The following PDSS2 variants were observed in gnomAD, a reference collection of about 807,000 sequenced individuals.
PDSS2 encodes the protein decaprenyl diphosphate synthase subunit 2.
A neutral mutation model predicts 44.5 loss-of-function variants in PDSS2; 31 were observed. The observed-to-expected ratio is 0.70, with a 90% CI of 0.52 to 0.94. The LOEUF (loss-of-function observed/expected upper bound fraction) is 0.94, where lower values mean the gene tolerates loss of function less well. Among genes scored for constraint, PDSS2 ranks in the 40% least tolerant of loss-of-function variants. PDSS2 has a pLI of 0.00. For missense variants in PDSS2, 452 were observed against 482.2 expected, an observed-to-expected ratio of 0.94 and a Z score of 0.59; for synonymous variants, 157 against 180.3, an observed-to-expected ratio of 0.87 and a Z score of 1.03.
chr6:107,280,010 T>G (rs913643068), intron 2 of PDSS2, among the ~76,000 whole-genome samples: 2 of 152,196 alleles, frequency 1.3e-5, no homozygotes, highest in Non-Finnish European at 2.9e-5. Context: ...TAAATAAAAG[T>G]CTTCATGCCG....
intron 4 of PDSS2, among the ~76,000 whole-genome samples, chr6:107,235,695 C>A (rs1300363026): frequency 6.6e-6 from 1 of 151,976 alleles, no homozygotes. Flanking sequence ...GGAAATACAA[C>A]CCATAATGAG....
At chr6:107,384,589 C>T (rs1175423847) in intron 1 of PDSS2, among the ~76,000 whole-genome samples, 1 of 150,394 alleles carries the variant, frequency 6.6e-6, no homozygotes, top group Admixed American at 6.6e-5. Context: ...TGCAGTGAGT[C>T]GAGATCACGC....
At chr6:107,319,905 T>G (rs762100417) in intron 2 of PDSS2, among the ~76,000 whole-genome samples, 3 of 152,166 alleles carry the variant, frequency 2.0e-5, no homozygotes, top group African/African-American at 4.8e-5. Context: ...TAGAGAGAGA[T>G]AAAAAAGCAA....
chr6:107,445,062 C>A (rs1475319511), intron 1 of PDSS2, among the ~76,000 whole-genome samples: 1 of 152,004 alleles, frequency 6.6e-6, no homozygotes, highest in Non-Finnish European at 1.5e-5. Flanking sequence ...AAAAGTCTAA[C>A]CAATTCTGTA....
intron 3 of PDSS2, among the ~76,000 whole-genome samples, chr6:107,255,409 C>G (rs1398420581): frequency 4.6e-5 from 7 of 151,814 alleles, no homozygotes; most frequent in African/African-American, 1.7e-4. Flanking sequence ...CCAGGCTGGT[C>G]TCAAACTCCT....
intron 1 of PDSS2, among the ~76,000 whole-genome samples, chr6:107,408,628 T>A (rs1780396214): frequency 6.6e-6 from 1 of 152,160 alleles, no homozygotes; most frequent in African/African-American, 2.4e-5. Flanking sequence ...GGAACAAATC[T>A]GGCAAGCAAA....
At position 107,456,730 on chromosome 6, in the gene PDSS2, A is replaced by T. The variant is rs532462187; in HGVS notation, c.296+2260T>A. ...CTAATTTATTTTATTTTTTGTAGAG[A>T]TAGGGTTTTGCTATGTTGCCCAGGC... On this transcript the variant is annotated intron_variant, in intron 1 of 7. Transcript: ENST00000369037. Among the ~76,000 whole-genome samples the T allele has an allele frequency of 6.2e-4, 94 of 151,994 alleles. 1 individual carries two copies. The highest frequency in any genetic ancestry group is 1.2e-3 in the Non-Finnish European group (81 of 68,008).
intron 1 of PDSS2, among the ~76,000 whole-genome samples, chr6:107,392,662 C>A (rs192522894): frequency 6.6e-6 from 1 of 152,208 alleles, no homozygotes; most frequent in African/African-American, 2.4e-5. Flanking sequence ...GTCTTCTAAC[C>A]GGTAGGTAAT....
chr6:107,347,260 T>C (rs1034276959), intron 1 of PDSS2, among the ~76,000 whole-genome samples: 14,633 of 127,550 alleles, frequency 0.11, 443 homozygotes, highest in East Asian at 0.17. Flanking sequence ...TATCTTCTTT[T>C]TTTTTTTTTT....
chr6:107,293,359 C>G (rs1467287964), intron 2 of PDSS2, among the ~76,000 whole-genome samples: 1 of 152,212 alleles, frequency 6.6e-6, no homozygotes, highest in East Asian at 1.9e-4. Context: ...CAGACCCCCT[C>G]TCTGACTGCA....
At chr6:107,336,084 G>A (rs898968827) in intron 1 of PDSS2, among the ~76,000 whole-genome samples, 13 of 151,616 alleles carry the variant, frequency 8.6e-5, no homozygotes, top group Middle Eastern at 3.4e-3. Flanking sequence ...GCGAAACTCC[G>A]TCTCTACTAA....
intron 1 of PDSS2, among the ~76,000 whole-genome samples, chr6:107,422,997 A>T (rs1470851243): frequency 2.0e-5 from 3 of 152,142 alleles, no homozygotes; most frequent in African/African-American, 7.2e-5. Flanking sequence ...CTGATATAGT[A>T]ACATCTGCTT....
rs146855123 is a variant in PDSS2 at position 107,216,873 on chromosome 6, T to C, written c.703-4591A>G. 4.7e-3 allele frequency among the ~76,000 whole-genome samples: 723 copies of C among 152,276 alleles called. 7 individuals carry two copies. The highest frequency in any genetic ancestry group is 0.016 in the African/African-American group (660 of 41,550). ...TAAAATCTCAGAAATTTTAAAAATATGTACTTTTTAGATAGAGAGACAGAC... is the reference window on the plus strand; with the variant it reads ...TAAAATCTCAGAAATTTTAAAAATACGTACTTTTTAGATAGAGAGACAGAC... On this transcript the variant is annotated intron_variant, in intron 4 of 7. Transcript: ENST00000369037.
chr6:107,293,613 A>G (rs1339848619), intron 2 of PDSS2, among the ~76,000 whole-genome samples: 1 of 152,116 alleles, frequency 6.6e-6, no homozygotes, highest in South Asian at 2.1e-4. Flanking sequence ...TTCCATTTTC[A>G]TTACAAACCC....
chr6:107,302,039 C>T (rs1776714255), intron 2 of PDSS2, among the ~76,000 whole-genome samples: 1 of 150,878 alleles, frequency 6.6e-6, no homozygotes. Context: ...AGTTGCACGA[C>T]TCTGTAAATA....
At position 107,186,784 on chromosome 6, in the gene PDSS2, T is replaced by C. The variant is rs1275554723; in HGVS notation, c.1041+7038A>G. 2.0e-5 allele frequency among the ~76,000 whole-genome samples: 3 copies of C among 152,352 alleles called. No homozygotes were observed. In the East Asian group the frequency reaches 5.8e-4, roughly 29 times the overall value. On this transcript the variant is annotated intron_variant, in intron 7 of 7. Coordinates refer to ENST00000369037, the MANE Select transcript of PDSS2 (RefSeq NM_020381.4). ...TTCATCCGTATCCCTGCAAAGGACA[T>C]GATCTCATGCCTTTTTATGGCTGCA...
In PDSS2 at chr6:107,203,612, G is replaced by T. The variant is rs373853042; in HGVS notation, c.1008+6827C>A. Among the ~76,000 whole-genome samples, 6 of 152,088 alleles carry T rather than the reference G, an allele frequency of 3.9e-5. No homozygotes were observed. The East Asian group carries it at 5.8e-4, about 15-fold the overall frequency. Reference sequence around the variant, plus strand: ...CATGACTTCTTCATCAAGTTGGTTTGCCATAGGCAAACATCCCAAAGTCTT... The same window carrying T: ...CATGACTTCTTCATCAAGTTGGTTTTCCATAGGCAAACATCCCAAAGTCTT... On this transcript the variant is annotated intron_variant, in intron 6 of 7. Transcript: ENST00000369037.
chr6:107,294,286 T>C (rs1027801510), intron 2 of PDSS2, among the ~76,000 whole-genome samples: 2 of 152,130 alleles, frequency 1.3e-5, no homozygotes, highest in Non-Finnish European at 1.5e-5. Context: ...TTAGATTGCA[T>C]GCTCTGCTAC....
chr6:107,272,089 A>C (rs9386631), intron 3 of PDSS2, among the ~76,000 whole-genome samples: 36,681 of 150,688 alleles, frequency 0.24, 5,055 homozygotes, highest in East Asian at 0.46. Context: ...AGAAACAAAA[A>C]AAAAAAAAAG....
Sources: gnomAD v4.1 joint callset for allele counts (sites outside exome capture counted in the v4.1 genomes callset) on GRCh38, gnomAD v4.1.1 for gene constraint, MANE v1.5 for transcripts, NCBI Gene and HGNC (gene_info 2026-07-23, HGNC 2026-07-21) for gene names.